NEBL: variants seen among roughly 807,000 people sequenced by gnomAD.
NEBL encodes nebulette, also known as LIM and SH3 protein 2.
NEBL carries 122 observed loss-of-function variants against 140.2 expected under a neutral mutation model. The ratio of observed to expected loss-of-function variants is 0.87; its 90% CI spans 0.75 to 1.01. The LOEUF (loss-of-function observed/expected upper bound fraction) is 1.01. Among genes scored for constraint, NEBL ranks in the 50% least tolerant of loss-of-function variants. The probability of loss-of-function intolerance (pLI) is 0.00; values close to 1 mark genes in which losing one functional copy is unlikely to be tolerated. For missense variants in NEBL, 1,365 were observed against 1,231.3 expected, an observed-to-expected ratio of 1.11 and a Z score of -1.62; for synonymous variants, 436 against 398.9, an observed-to-expected ratio of 1.09 and a Z score of -1.11.
intron 2 of NEBL, among the ~76,000 whole-genome samples, chr10:21,088,466 A>G (rs557903236): frequency 3.3e-5 from 5 of 152,286 alleles, no homozygotes; most frequent in Non-Finnish European, 7.4e-5. Context: ...CCTGGTTGTC[A>G]CGGTGAGATT....
chr10:20,965,715 C>T (rs1274702743), intron 3 of NEBL, among the ~76,000 whole-genome samples: 1 of 152,158 alleles, frequency 6.6e-6, no homozygotes, highest in East Asian at 1.9e-4. Context: ...CTGCAAACTC[C>T]TTGGAAGTGT....
intron 3 of NEBL, among the ~76,000 whole-genome samples, chr10:21,231,529 ACT>A (rs1411866677): frequency 1.3e-5 from 2 of 151,606 alleles, no homozygotes; most frequent in African/African-American, 2.4e-5. Flanking sequence ...ACAGAGCGAG[ACT>A]CTGTCTCAAA....
rs930219644 is a variant in NEBL at position 21,067,035 on chromosome 10, C to T, written c.165-46834G>A. On this transcript the variant is annotated intron_variant, in intron 2 of 6. Coordinates refer to the NEBL transcript ENST00000417816. Reference sequence around the variant, plus strand: ...TTGCCCAGGCTGTAGTGCAGTGGCGCGATCTCCACTCACTGAAAGCTCCGC... The same window carrying T: ...TTGCCCAGGCTGTAGTGCAGTGGCGTGATCTCCACTCACTGAAAGCTCCGC... 1.7e-4 allele frequency among the ~76,000 whole-genome samples: 23 copies of T among 131,840 alleles called. No homozygotes were observed. In the East Asian group the frequency reaches 2.0e-3, roughly 12 times the overall value. 86.5% of individuals were successfully genotyped at this position (131,840 alleles called of 152,430 possible). A position where few individuals can be genotyped will look rare whatever the true frequency, so the allele number is the denominator to read the frequency against.
rs1424939028 is a variant in NEBL, at chr10:21,093,180, C to T, written c.165-72979G>A. On this transcript the variant is annotated intron_variant, in intron 2 of 6. Coordinates refer to the NEBL transcript ENST00000417816. Reference sequence around the variant, plus strand: ...TTTTTTTTTTTCCATTTTAGCAGAGCCAAATGAAGATTCTTCAAGATATGG... The same window carrying T: ...TTTTTTTTTTTCCATTTTAGCAGAGTCAAATGAAGATTCTTCAAGATATGG... Among the ~76,000 whole-genome samples, 3 of 41,586 alleles carry T rather than the reference C, an allele frequency of 7.2e-5. No homozygotes were observed. The East Asian group carries it at 1.2e-3, about 17-fold the overall frequency. 27.3% of individuals were successfully genotyped at this position (41,586 alleles called of 152,430 possible).
chr10:20,979,588 G>A (rs11012444), intron 3 of NEBL, among the ~76,000 whole-genome samples: 15,024 of 152,162 alleles, frequency 0.099, 1,258 homozygotes, highest in East Asian at 0.36. Context: ...GAATTGCATC[G>A]TGAAATGCTT....
chr10:20,868,591 G>A (rs1403604365), intron 7 of NEBL, 73 bp downstream of exon 7: 1 of 1,006,682 alleles, frequency 9.9e-7, no homozygotes, highest in Non-Finnish European at 1.6e-6. Flanking sequence ...TATCTAAAAT[G>A]CAATATTCTC....
chr10:21,037,806 C>T (rs774152183), intron 2 of NEBL, among the ~76,000 whole-genome samples: 3 of 134,470 alleles, frequency 2.2e-5, no homozygotes, highest in Non-Finnish European at 4.8e-5. Flanking sequence ...AAAACACTCC[C>T]CTAATGAAGA....
intron 10 of NEBL, 29 bp from the exon 11 acceptor site, chr10:20,850,531 A>C (rs753115312): frequency 1.4e-6 from 2 of 1,409,752 alleles, no homozygotes; most frequent in African/African-American, 2.8e-5. Context: ...AGCATATACA[A>C]ATCGAAAGTC....
intron 4 of NEBL, among the ~76,000 whole-genome samples, chr10:20,906,716 A>G (rs894609619): frequency 2.6e-5 from 4 of 152,240 alleles, no homozygotes; most frequent in East Asian, 1.9e-4. Context: ...ATGAAGATGG[A>G]CATGAATGAA....
At chr10:20,941,531 G>A (rs1444991673) in intron 4 of NEBL, among the ~76,000 whole-genome samples, 1 of 151,850 alleles carries the variant, frequency 6.6e-6, no homozygotes, top group Non-Finnish European at 1.5e-5. Flanking sequence ...CACAAGACAG[G>A]GATGCCCTCT....
chr10:21,292,333 GATTA>G (rs1843155829), intron 1 of NEBL, among the ~76,000 whole-genome samples: 1 of 152,282 alleles, frequency 6.6e-6, no homozygotes, highest in Middle Eastern at 3.4e-3. Flanking sequence ...GGTATTAAAT[GATTA>G]ATTGATAATC....
chr10:21,093,157 T>TTTTTTTTTTTTTTTTTTTTC, intron 2 of NEBL, among the ~76,000 whole-genome samples: 1 of 146,062 alleles, frequency 6.8e-6, no homozygotes, highest in Non-Finnish European at 1.5e-5. Flanking sequence ...AGTCTTTTTT[T>TTTTTTTTTTTTTTTTTTTTC]TTTTTTTTCC....
chr10:21,017,705 C>T (rs548073898), intron 3 of NEBL, among the ~76,000 whole-genome samples: 6 of 152,240 alleles, frequency 3.9e-5, no homozygotes, highest in African/African-American at 1.4e-4. Flanking sequence ...GTGTGGTGTG[C>T]CTTCGAAAGG....
intron 2 of NEBL, among the ~76,000 whole-genome samples, chr10:21,136,550 G>C (rs577162223): frequency 5.3e-5 from 8 of 152,240 alleles, no homozygotes; most frequent in African/African-American, 1.9e-4. Flanking sequence ...AGAATCCTCA[G>C]AGTCAGCAAA....
intron 6 of NEBL, 79 bp downstream of exon 6, chr10:20,869,661 A>G: frequency 1.1e-6 from 1 of 925,644 alleles, no homozygotes; most frequent in Non-Finnish European, 1.8e-6. Flanking sequence ...TAAATGAACC[A>G]TCCAACCACT....
rs867246201 is a variant in NEBL at position 21,171,219 on chromosome 10, C to G, written c.164+1164G>C. Among the ~76,000 whole-genome samples the G allele has an allele frequency of 4.6e-5, 7 of 151,826 alleles. No homozygotes were observed. The South Asian group carries it at 8.3e-4, about 18-fold the overall frequency. ...GCATGGTGGCGCATGCTTGTAATCC[C>G]AACTACTCGGGAGGCTGAGGCAGAA... On this transcript the variant is annotated intron_variant, in intron 2 of 6. Coordinates refer to the NEBL transcript ENST00000417816.
intron 22 of NEBL, among the ~76,000 whole-genome samples, chr10:20,815,222 G>A (rs1055394151): frequency 6.6e-6 from 1 of 152,158 alleles, no homozygotes; most frequent in African/African-American, 2.4e-5. Flanking sequence ...TTTAGTGGGG[G>A]TAATGATCCA....
intron 26 of NEBL, among the ~76,000 whole-genome samples, chr10:20,797,466 T>C (rs1361890535): frequency 1.3e-5 from 2 of 152,190 alleles, no homozygotes; most frequent in African/African-American, 4.8e-5. Context: ...AATAGACATA[T>C]CTTGGTGCTG....
intron 3 of NEBL, among the ~76,000 whole-genome samples, chr10:21,230,072 T>C (rs1842225341): frequency 6.6e-6 from 1 of 152,230 alleles, no homozygotes; most frequent in Non-Finnish European, 1.5e-5. Context: ...ATTCCTGCTG[T>C]GGTGTTTTCA....
Sources: allele counts gnomAD v4.1 joint callset (sites outside exome capture counted in the v4.1 genomes callset), GRCh38; gene constraint gnomAD v4.1.1; transcripts MANE v1.5; gene names NCBI Gene and HGNC (gene_info 2026-07-23, HGNC 2026-07-21).